PPP3CA: variants seen among roughly 807,000 people sequenced by gnomAD.
PPP3CA encodes the protein CAM-PRP catalytic subunit.
In PPP3CA, 14 loss-of-function variants were observed where a neutral mutation model predicts 66.5. That is an observed-to-expected ratio of 0.21 (90% CI 0.14 to 0.33). The LOEUF (loss-of-function observed/expected upper bound fraction) is 0.33. PPP3CA is among the 10% of genes least tolerant of loss of function. The pLI is 1.00. For synonymous variants in PPP3CA, 232 were observed against 226.2 expected (o/e 1.03, Z -0.23); for missense variants, 317 against 639.5 (o/e 0.50, Z 5.44).
Position 101,325,217 on chromosome 4 carries a change from C to T in PPP3CA, c.58+21522G>A, listed in dbSNP as rs189863197. On this transcript the variant is annotated intron_variant, in intron 1 of 13. Coordinates refer to ENST00000394854, the MANE Select transcript of PPP3CA (RefSeq NM_000944.5). ...TGCTTGCAAGGCTGTTTAAATGCAA[C>T]CCAAACCTTCTCAAACTTTAATATA... is the stretch of plus-strand genomic sequence containing the variant. Among the ~76,000 whole-genome samples the T allele has an allele frequency of 1.3e-4, 20 of 152,254 alleles. 1 individual carries two copies. The highest frequency in any genetic ancestry group is 4.8e-4 in the African/African-American group (20 of 41,554).
In PPP3CA at chr4:101,038,438, C is replaced by T. The variant is rs181114261; in HGVS notation, c.1241+2044G>A. 1.7e-3 allele frequency among the ~76,000 whole-genome samples: 252 copies of T among 151,138 alleles called. 5 individuals are homozygous for T. Among genetic ancestry groups the T allele is most frequent in the Admixed American group, 0.015 (232 of 15,168 alleles). On this transcript the variant is annotated intron_variant, in intron 11 of 13. Transcript: ENST00000394854. Reference sequence around the variant, plus strand: ...AGGCTGGAGTGCAGTGGCGCGATCTCGGCTTACTGCAACCTCCGCCTCCTG... The same window carrying T: ...AGGCTGGAGTGCAGTGGCGCGATCTTGGCTTACTGCAACCTCCGCCTCCTG...
At chr4:101,335,455 C>T (rs1285682794) in intron 1 of PPP3CA, among the ~76,000 whole-genome samples, 1 of 152,054 alleles carries the variant, frequency 6.6e-6, no homozygotes, top group Admixed American at 6.5e-5. Flanking sequence ...ATGCTTTCAT[C>T]CTGTCTTTAT....
chr4:101,155,702 G>A (rs1418651139), intron 2 of PPP3CA, among the ~76,000 whole-genome samples: 1 of 152,070 alleles, frequency 6.6e-6, no homozygotes, highest in Non-Finnish European at 1.5e-5. Flanking sequence ...TCCCACTTTG[G>A]GAAGCACATA....
chr4:101,315,856 C>G (rs1728868644), intron 1 of PPP3CA, among the ~76,000 whole-genome samples: 1 of 152,306 alleles, frequency 6.6e-6, no homozygotes, highest in East Asian at 1.9e-4. Context: ...TCCTCACCCC[C>G]TTTTCTGCTC....
At chr4:101,152,601 T>C (rs999996757) in intron 2 of PPP3CA, among the ~76,000 whole-genome samples, 3 of 152,168 alleles carry the variant, frequency 2.0e-5, no homozygotes, top group Non-Finnish European at 4.4e-5. Flanking sequence ...TGCAATAACA[T>C]AACTTGAGTA....
intron 1 of PPP3CA, among the ~76,000 whole-genome samples, chr4:101,272,077 C>T (rs1481765600): frequency 6.6e-6 from 1 of 152,084 alleles, no homozygotes; most frequent in Admixed American, 6.5e-5. Context: ...CCCTTACACC[C>T]CGCCACTCCT....
At chr4:101,267,729 C>T (rs1727214051) in intron 1 of PPP3CA, among the ~76,000 whole-genome samples, 1 of 152,100 alleles carries the variant, frequency 6.6e-6, no homozygotes. Flanking sequence ...CAAAAGTGAA[C>T]TCCAGACTGA....
chr4:101,203,654 T>G (rs1404267957), intron 1 of PPP3CA, among the ~76,000 whole-genome samples: 1 of 152,140 alleles, frequency 6.6e-6, no homozygotes, highest in African/African-American at 2.4e-5. Context: ...TACTTATTTA[T>G]GTATATCTAT....
At chr4:101,159,155 G>C (rs1485504843) in intron 2 of PPP3CA, among the ~76,000 whole-genome samples, 2 of 152,150 alleles carry the variant, frequency 1.3e-5, no homozygotes, top group Non-Finnish European at 2.9e-5. Context: ...TATACAGTCA[G>C]CCAAGATGTG....
intron 10 of PPP3CA, among the ~76,000 whole-genome samples, chr4:101,055,684 G>T (rs916920008): frequency 4.6e-5 from 7 of 152,046 alleles, no homozygotes; most frequent in African/African-American, 7.2e-5. Context: ...TGAGCCAGAA[G>T]ACTTTTTGTC....
At chr4:101,120,499 C>G (rs1721992438) in intron 2 of PPP3CA, among the ~76,000 whole-genome samples, 2 of 151,818 alleles carry the variant, frequency 1.3e-5, no homozygotes, top group Non-Finnish European at 2.9e-5. Flanking sequence ...TTTTATTGCC[C>G]ATTTCCATCC....
At chr4:101,060,042 T>G (rs1728394608) in intron 10 of PPP3CA, among the ~76,000 whole-genome samples, 1 of 152,088 alleles carries the variant, frequency 6.6e-6, no homozygotes, top group South Asian at 2.1e-4. Flanking sequence ...CAATCTGAGG[T>G]TGTTTGAATC....
At chr4:101,273,934 A>G (rs1727411049) in intron 1 of PPP3CA, among the ~76,000 whole-genome samples, 1 of 152,086 alleles carries the variant, frequency 6.6e-6, no homozygotes, top group South Asian at 2.1e-4. Flanking sequence ...AATTGATTTA[A>G]GTAAAAAAAA....
intron 1 of PPP3CA, among the ~76,000 whole-genome samples, chr4:101,212,762 A>C (rs1213894319): frequency 7.2e-6 from 1 of 139,290 alleles, no homozygotes; most frequent in African/African-American, 3.4e-5. Flanking sequence ...GCAGCAATTA[A>C]ACTACTGGGC....
chr4:101,043,492 T>C (rs928273655), intron 10 of PPP3CA, among the ~76,000 whole-genome samples: 1 of 151,988 alleles, frequency 6.6e-6, no homozygotes, highest in Non-Finnish European at 1.5e-5. Flanking sequence ...TATTCTACTT[T>C]ATGTATATGT....
rs1021062625 is a variant in PPP3CA, at chr4:101,154,665, G to T, written c.259+41251C>A. Among the ~76,000 whole-genome samples the T allele has an allele frequency of 4.6e-5, 7 of 152,162 alleles. No homozygotes were observed. The South Asian group carries it at 1.5e-3, about 32-fold the overall frequency. On this transcript the variant is annotated intron_variant, in intron 2 of 13. Transcript: ENST00000394854. ...TCATTATGACTCTAATTATGATTGA[G>T]TTTCTTCACCTCAATAACAGGTTCT...
intron 2 of PPP3CA, among the ~76,000 whole-genome samples, chr4:101,110,623 CAT>C (rs1337556483): frequency 1.3e-5 from 2 of 152,140 alleles, no homozygotes; most frequent in African/African-American, 2.4e-5. Flanking sequence ...ACACCAGAAA[CAT>C]ATTCTTCCAT....
intron 1 of PPP3CA, among the ~76,000 whole-genome samples, chr4:101,197,547 G>A (rs1343002217): frequency 6.6e-6 from 1 of 152,058 alleles, no homozygotes; most frequent in Non-Finnish European, 1.5e-5. Flanking sequence ...AACCTTCTTC[G>A]GCTCCAGTTA....
At chr4:101,205,296 T>C (rs1270027403) in intron 1 of PPP3CA, among the ~76,000 whole-genome samples, 1 of 152,126 alleles carries the variant, frequency 6.6e-6, no homozygotes, top group African/African-American at 2.4e-5. Context: ...TCTGAAACTT[T>C]ATTTAATCCA....
Sources: gnomAD v4.1 joint callset for allele counts (sites outside exome capture counted in the v4.1 genomes callset) on GRCh38, gnomAD v4.1.1 for gene constraint, MANE v1.5 for transcripts, NCBI Gene and HGNC (gene_info 2026-07-23, HGNC 2026-07-21) for gene names.